DPP10: variants seen among roughly 807,000 people sequenced by gnomAD.
The protein encoded by DPP10 is dipeptidyl peptidase like 10.
DPP10 carries 33 observed loss-of-function variants against 120.9 expected under a neutral mutation model. The ratio of observed to expected loss-of-function variants is 0.27; its 90% CI spans 0.21 to 0.37. The LOEUF is 0.37. DPP10 is among the 10% of genes least tolerant of loss of function. The probability of loss-of-function intolerance (pLI) is 1.00; values close to 1 mark genes in which losing one functional copy is unlikely to be tolerated. For missense variants in DPP10, 816 were observed against 942.8 expected, an observed-to-expected ratio of 0.87 and a Z score of 1.76; for synonymous variants, 337 against 326.1, an observed-to-expected ratio of 1.03 and a Z score of -0.36.
chr2:115,504,483 T>C (rs2076845979), intron 4 of DPP10, among the ~76,000 whole-genome samples: 1 of 152,028 alleles, frequency 6.6e-6, no homozygotes, highest in Non-Finnish European at 1.5e-5. Flanking sequence ...TACCTTCATA[T>C]TTATCTTATT....
chr2:114,689,239 C>T (rs1305295662), intron 1 of DPP10, among the ~76,000 whole-genome samples: 1 of 146,456 alleles, frequency 6.8e-6, no homozygotes, highest in Non-Finnish European at 1.5e-5. Context: ...TGCCCCTTAC[C>T]ACCCTGCGAC....
At chr2:115,371,679 T>A (rs2065421093) in intron 3 of DPP10, among the ~76,000 whole-genome samples, 1 of 152,126 alleles carries the variant, frequency 6.6e-6, no homozygotes, top group South Asian at 2.1e-4. Flanking sequence ...GATGTTAATT[T>A]CAGAAGAGGA....
chr2:115,794,095 G>A (rs186650598), intron 19 of DPP10, among the ~76,000 whole-genome samples: 18 of 151,660 alleles, frequency 1.2e-4, no homozygotes, highest in Admixed American at 5.3e-4. Context: ...TATTTTTTTC[G>A]CAAATGAGCA....
At chr2:115,747,999 T>C (rs2149725145) in intron 10 of DPP10, among the ~76,000 whole-genome samples, 1 of 152,250 alleles carries the variant, frequency 6.6e-6, no homozygotes, top group South Asian at 2.1e-4. Context: ...AGCTCTTGAT[T>C]CCTGACCTTG....
chr2:115,840,313 TTTTTG>T (rs1689970727), intron 24 of DPP10, among the ~76,000 whole-genome samples: 1 of 85,884 alleles, frequency 1.2e-5, no homozygotes, highest in African/African-American at 4.4e-5. Flanking sequence ...GATATAAGGT[TTTTTG>T]GTTTTTTTTT....
chr2:115,634,041 C>T (rs1457620418), intron 5 of DPP10, among the ~76,000 whole-genome samples: 1 of 152,000 alleles, frequency 6.6e-6, no homozygotes, highest in Non-Finnish European at 1.5e-5. Flanking sequence ...AGATAGTCTT[C>T]AAGCTCTGAA....
At chr2:115,089,968 T>A (rs757404895) in intron 1 of DPP10, among the ~76,000 whole-genome samples, 7 of 152,168 alleles carry the variant, frequency 4.6e-5, no homozygotes, top group Non-Finnish European at 7.3e-5. Context: ...GCCTTTCATA[T>A]CTATGTCTAC....
chr2:114,983,190 G>A (rs1336257400), intron 1 of DPP10, among the ~76,000 whole-genome samples: 5 of 152,068 alleles, frequency 3.3e-5, no homozygotes, highest in Non-Finnish European at 5.9e-5. Context: ...GTGGAGATTT[G>A]CTTTCCACGA....
rs181660765 is a variant in DPP10 at position 114,586,997 on chromosome 2, T to G, written c.60+144159T>G. Among the ~76,000 whole-genome samples, 10 of 152,224 alleles carry G rather than the reference T, an allele frequency of 6.6e-5. No individual in the cohort carries two copies. The East Asian group carries it at 1.9e-3, about 29-fold the overall frequency. ...AAACCATAAGTCAAACCTCTTTTCTTTATAAATTATACAGCCTAGGCCGGG... is the reference window on the plus strand; with the variant it reads ...AAACCATAAGTCAAACCTCTTTTCTGTATAAATTATACAGCCTAGGCCGGG... On this transcript the variant is annotated intron_variant, in intron 1 of 25. Transcript: ENST00000410059.
intron 2 of DPP10, among the ~76,000 whole-genome samples, chr2:115,338,924 C>T (rs137930056): frequency 7.0e-4 from 107 of 152,142 alleles, no homozygotes; most frequent in Non-Finnish European, 9.6e-4. Context: ...AGCAAAAGCA[C>T]GATTCATAAA....
At chr2:115,619,547 T>C (rs2084791896) in intron 5 of DPP10, among the ~76,000 whole-genome samples, 1 of 152,210 alleles carries the variant, frequency 6.6e-6, no homozygotes, top group Non-Finnish European at 1.5e-5. Flanking sequence ...TTGTCAAGTA[T>C]ACACTTACGG....
At chr2:114,460,660 G>GGGTC (rs1299411713) in intron 1 of DPP10, among the ~76,000 whole-genome samples, 15 of 151,974 alleles carry the variant, frequency 9.9e-5, no homozygotes, top group Admixed American at 3.9e-4. Context: ...ATTTTCTTTT[G>GGGTC]GGTCCTTCTT....
At chr2:114,943,260 T>G (rs1412815779) in intron 1 of DPP10, among the ~76,000 whole-genome samples, 1 of 152,142 alleles carries the variant, frequency 6.6e-6, no homozygotes, top group Non-Finnish European at 1.5e-5. Flanking sequence ...TGGTATTCCA[T>G]GTCGTATATG....
In DPP10 at chr2:115,842,475, A is replaced by G; in HGVS notation, c.*130A>G. On this transcript the variant is annotated 3_prime_UTR_variant, in exon 26 of 26. Coordinates refer to ENST00000410059, the MANE Select transcript of DPP10 (RefSeq NM_020868.6). The stretch of plus-strand genomic sequence containing the variant: ...GAGATGTCACTGGAGCAGCACGCTC[A>G]GAGACAGTGAACTAGCATTTGAATA... 3.7e-6 allele frequency: 4 copies of G among 1,074,782 alleles called. No individual in the cohort carries two copies. The highest frequency in any genetic ancestry group is 5.1e-6 in the Non-Finnish European group (4 of 778,302). The allele number at this position is 1,074,782 out of a possible 1,614,324, so 66.6% of individuals were successfully genotyped here.
intron 3 of DPP10, among the ~76,000 whole-genome samples, chr2:115,457,315 A>G (rs2073641885): frequency 6.6e-6 from 1 of 152,120 alleles, no homozygotes; most frequent in Non-Finnish European, 1.5e-5. Flanking sequence ...CTTTTTAGAA[A>G]AAGACTACCA....
At chr2:114,801,983 C>G (rs962303333) in intron 1 of DPP10, among the ~76,000 whole-genome samples, 3 of 152,268 alleles carry the variant, frequency 2.0e-5, no homozygotes, top group African/African-American at 7.2e-5. Flanking sequence ...GGAAACGTCT[C>G]TAGGTGTCTG....
chr2:115,688,935 A>C (rs1479734374), intron 5 of DPP10, among the ~76,000 whole-genome samples: 1 of 152,164 alleles, frequency 6.6e-6, no homozygotes, highest in East Asian at 1.9e-4. Context: ...ACACTTCAAC[A>C]TGCATTAGTT....
At chr2:114,985,980 T>C (rs970711858) in intron 1 of DPP10, among the ~76,000 whole-genome samples, 11 of 152,358 alleles carry the variant, frequency 7.2e-5, no homozygotes, top group Admixed American at 6.5e-4. Flanking sequence ...AATATCTTGA[T>C]TCTCAATCTC....
At chr2:114,992,946 C>T (rs1175924863) in intron 1 of DPP10, among the ~76,000 whole-genome samples, 1 of 152,170 alleles carries the variant, frequency 6.6e-6, no homozygotes, top group African/African-American at 2.4e-5. Context: ...GGGCATGTGA[C>T]TCCTTTCCCT....
Sources: allele counts gnomAD v4.1 joint callset (sites outside exome capture counted in the v4.1 genomes callset), GRCh38; gene constraint gnomAD v4.1.1; transcripts MANE v1.5; gene names NCBI Gene and HGNC (gene_info 2026-07-23, HGNC 2026-07-21).